The following MAP2 variants were observed in gnomAD, a reference collection of about 807,000 sequenced individuals.
MAP2 encodes microtubule-associated protein 2.
Under a neutral mutation model 137.6 loss-of-function variants are expected in MAP2, and 14 were observed. The ratio of observed to expected loss-of-function variants is 0.10; its 90% CI spans 0.07 to 0.16. The LOEUF (loss-of-function observed/expected upper bound fraction) is 0.16, where lower values mean the gene tolerates loss of function less well. MAP2 is among the 10% of genes least tolerant of loss of function. The probability of loss-of-function intolerance (pLI) is 1.00; values close to 1 mark genes in which losing one functional copy is unlikely to be tolerated. For synonymous variants in MAP2, 786 were observed against 782.3 expected, an observed-to-expected ratio of 1.00 and a Z score of -0.08; for missense variants, 2,088 against 2,191.5, an observed-to-expected ratio of 0.95 and a Z score of 0.94.
intron 3 of MAP2, among the ~76,000 whole-genome samples, chr2:209,600,055 A>C (rs1464829406): frequency 6.6e-6 from 1 of 152,212 alleles, no homozygotes; most frequent in Non-Finnish European, 1.5e-5. Context: ...AAAGTTTGAT[A>C]AAGACAAAGC....
At chr2:209,507,890 C>A (rs1349768852) in intron 2 of MAP2, among the ~76,000 whole-genome samples, 1 of 151,682 alleles carries the variant, frequency 6.6e-6, no homozygotes, top group Admixed American at 6.6e-5. Flanking sequence ...ACCTGAGTTT[C>A]GAATAATGAA....
At chr2:209,474,450 G>A (rs774205241) in intron 1 of MAP2, among the ~76,000 whole-genome samples, 8 of 151,988 alleles carry the variant, frequency 5.3e-5, no homozygotes, top group Non-Finnish European at 8.8e-5. Context: ...ACCAGCCCAG[G>A]AACAATGCAC....
rs755242543 is a variant in MAP2, at chr2:209,695,932, C to T, written c.3762C>T (p.Thr1254=). Residue 1254 remains threonine (T), a synonymous_variant, in exon 8 of 16, where the codon ACC becomes ACT. Coordinates refer to ENST00000682079, the MANE Select transcript of MAP2 (RefSeq NM_001375505.1). ...ATAAACTGCTCTTCCGCTCAGACAC[C>T]CTTCAGATAACTGACCTGGGTGTCT... The part of the protein sequence containing the change: ...EYDKLLFRSD[T]LQITDLGVSG... 1.2e-5 allele frequency: 19 copies of T among 1,613,846 alleles called. No individual in the cohort carries two copies. In the Admixed American group the frequency reaches 3.2e-4, roughly 27 times the overall value.
intron 2 of MAP2, among the ~76,000 whole-genome samples, chr2:209,512,037 C>G (rs1414382193): frequency 6.6e-6 from 1 of 152,074 alleles, no homozygotes; most frequent in Non-Finnish European, 1.5e-5. Context: ...CTGATGCCCT[C>G]TATACTTCTA....
intron 6 of MAP2, among the ~76,000 whole-genome samples, 160 bp downstream of exon 6, chr2:209,678,845 C>CT (rs1261892621): frequency 1.3e-5 from 2 of 152,072 alleles, no homozygotes; most frequent in Non-Finnish European, 2.9e-5. Flanking sequence ...CTATTTTCAT[C>CT]TTTTTCCACT....
chr2:209,729,038 A>G (rs1584810727), intron 14 of MAP2, among the ~76,000 whole-genome samples: 1 of 152,208 alleles, frequency 6.6e-6, no homozygotes, highest in East Asian at 1.9e-4. Context: ...CCCAGTGTAG[A>G]AGAACTTTCC....
intron 13 of MAP2, among the ~76,000 whole-genome samples, chr2:209,713,191 G>T (rs974143780): frequency 9.2e-5 from 14 of 152,042 alleles, no homozygotes; most frequent in Admixed American, 6.6e-4. Context: ...TCATTATTGG[G>T]GTTTTAAAAT....
At chr2:209,533,062 C>T (rs766133610) in intron 2 of MAP2, among the ~76,000 whole-genome samples, 72 of 152,210 alleles carry the variant, frequency 4.7e-4, no homozygotes, top group South Asian at 8.3e-4. Context: ...AAAATAAGTG[C>T]GATTTTACTT....
chr2:209,718,987 C>T (rs546084233), intron 13 of MAP2, among the ~76,000 whole-genome samples: 24 of 151,642 alleles, frequency 1.6e-4, no homozygotes, highest in African/African-American at 4.4e-4. Context: ...TTTATAGAGG[C>T]GAAATAGTTT....
chr2:209,455,684 A>C (rs998614368), intron 1 of MAP2, among the ~76,000 whole-genome samples: 1 of 152,232 alleles, frequency 6.6e-6, no homozygotes, highest in African/African-American at 2.4e-5. Flanking sequence ...ACTCTGATAT[A>C]TAAATAAATT....
chr2:209,676,743 A>C lies in MAP2; in HGVS notation c.263-1829A>C, dbSNP rs1377139858. 5.0e-5 allele frequency among the ~76,000 whole-genome samples: 3 copies of C among 59,848 alleles called. 1 individual carries two copies. The highest frequency in any genetic ancestry group is 1.4e-4 in the Non-Finnish European group (3 of 21,740). The allele number at this position is 59,848 out of a possible 152,430, so 39.3% of individuals were successfully genotyped here. On this transcript the variant is annotated intron_variant, in intron 5 of 15. Coordinates refer to ENST00000682079, the MANE Select transcript of MAP2 (RefSeq NM_001375505.1). ...GTCATATATATATATATATATATAT[A>C]TATATATATATATATATATATATAT... is the stretch of plus-strand genomic sequence containing the variant.
intron 5 of MAP2, among the ~76,000 whole-genome samples, chr2:209,662,953 G>GATAT (rs35579471): frequency 0.023 from 3,501 of 150,746 alleles, 120 homozygotes; most frequent in African/African-American, 0.078. Flanking sequence ...TTAAGTGTGA[G>GATAT]ATATATATAT....
intron 4 of MAP2, among the ~76,000 whole-genome samples, chr2:209,651,449 A>G (rs1338533489): frequency 1.3e-5 from 2 of 152,214 alleles, no homozygotes; most frequent in African/African-American, 4.8e-5. Flanking sequence ...TTAACAAACA[A>G]TAACAAATGT....
intron 1 of MAP2, among the ~76,000 whole-genome samples, chr2:209,476,717 T>C (rs1707332267): frequency 6.6e-6 from 1 of 152,210 alleles, no homozygotes; most frequent in South Asian, 2.1e-4. Flanking sequence ...GTGCCAGCTG[T>C]TCTCTTAACC....
At position 209,697,053 on chromosome 2, in the gene MAP2, T is replaced by TA. The variant is rs777388088; in HGVS notation, c.4522+2_4522+3insA. 181 of 1,590,962 alleles carry TA rather than the reference T, an allele frequency of 1.1e-4. No homozygotes were observed. The highest frequency in any genetic ancestry group is 9.9e-5 in the Non-Finnish European group (116 of 1,174,166). ...CCTGTGTTAAGCGGAAAACCACAGG[T>TA]GACTGTTCAATTCTGCAATGTGACT... is the stretch of plus-strand genomic sequence containing the variant. On this transcript the variant is annotated splice_region_variant and intron_variant, in intron 10 of 15. Coordinates refer to ENST00000682079, the MANE Select transcript of MAP2 (RefSeq NM_001375505.1).
intron 2 of MAP2, among the ~76,000 whole-genome samples, chr2:209,524,961 G>A (rs1320768592): frequency 6.6e-6 from 1 of 151,896 alleles, no homozygotes; most frequent in Non-Finnish European, 1.5e-5. Context: ...TTCAATTTTT[G>A]TCTCGTCTGC....
At chr2:209,712,172 C>T (rs2065726855) in intron 13 of MAP2, among the ~76,000 whole-genome samples, 1 of 152,070 alleles carries the variant, frequency 6.6e-6, no homozygotes, top group African/African-American at 2.4e-5. Context: ...GTGAAGACGT[C>T]TGTTTTCTTT....
chr2:209,514,717 A>G lies in MAP2; in HGVS notation c.-172+7076A>G, dbSNP rs1214810524. On this transcript the variant is annotated intron_variant, in intron 2 of 15. Transcript: ENST00000682079. The stretch of plus-strand genomic sequence containing the variant: ...ATATTCTACTTATTGCAGAATAAGA[A>G]CTGCATAGTAGTACAAGGGATAAAC... Among the ~76,000 whole-genome samples, 3 of 152,172 alleles carry G rather than the reference A, an allele frequency of 2.0e-5. No homozygotes were observed. In the South Asian group the frequency reaches 6.2e-4, roughly 31 times the overall value.
intron 3 of MAP2, among the ~76,000 whole-genome samples, chr2:209,593,226 CTT>C (rs1475130582): frequency 6.6e-6 from 1 of 152,022 alleles, no homozygotes; most frequent in African/African-American, 2.4e-5. Context: ...TAAGTTCTCT[CTT>C]CTTTCCTGAA....
Sources: allele counts gnomAD v4.1 joint callset (sites outside exome capture counted in the v4.1 genomes callset), GRCh38; gene constraint gnomAD v4.1.1; transcripts MANE v1.5; gene names NCBI Gene and HGNC (gene_info 2026-07-23, HGNC 2026-07-21).